Variants in MAP7D2 observed in about 807,000 individuals in gnomAD.
MAP7D2 encodes MAP7 domain-containing protein 2.
MAP7D2 carries 33 observed loss-of-function variants against 63.5 expected under a neutral mutation model. The observed-to-expected ratio is 0.52, with a 90% CI of 0.39 to 0.70. The LOEUF (loss-of-function observed/expected upper bound fraction) is 0.70, where lower values mean the gene tolerates loss of function less well. MAP7D2 is among the 30% of genes least tolerant of loss of function. The pLI, the probability that MAP7D2 is intolerant of heterozygous loss-of-function variation, is 0.00. For synonymous variants in MAP7D2, 224 were observed against 223.7 expected (o/e 1.00, Z -0.01); for missense variants, 626 against 604.0 (o/e 1.04, Z -0.38).
At chrX:20,070,617 CAAT>C (rs1316909870) in intron 1 of MAP7D2, among the ~76,000 whole-genome samples, 20 of 111,094 alleles carry the variant, frequency 1.8e-4, no homozygotes, top group Non-Finnish European at 3.2e-4. Flanking sequence ...ACTGTTGATG[CAAT>C]AATGTTTCCC....
At chrX:20,022,142 G>A (rs1368346207) in intron 10 of MAP7D2, among the ~76,000 whole-genome samples, 2 of 111,816 alleles carry the variant, frequency 1.8e-5, no homozygotes, top group Non-Finnish European at 3.8e-5. Context: ...AGCAAGACTT[G>A]ACCTGCATTT....
At chrX:20,103,764 C>T (rs1449836541) in intron 1 of MAP7D2, among the ~76,000 whole-genome samples, 2 of 112,100 alleles carry the variant, frequency 1.8e-5, no homozygotes, top group South Asian at 3.7e-4. Flanking sequence ...TCATATGGAA[C>T]AGTTCAGACC....
At chrX:20,020,039 A>G (rs867130225) in intron 10 of MAP7D2, among the ~76,000 whole-genome samples, 3 of 111,625 alleles carry the variant, frequency 2.7e-5, no homozygotes, top group African/African-American at 9.8e-5. Context: ...ACTTTTCTCA[A>G]TCTTCGTCAT....
At chrX:20,043,369 T>C (rs747103029) in intron 7 of MAP7D2, among the ~76,000 whole-genome samples, 1 of 112,327 alleles carries the variant, frequency 8.9e-6, no homozygotes, top group Non-Finnish European at 1.9e-5. Flanking sequence ...TGAGGCTTAA[T>C]TCCTCTCCTC....
chrX:20,050,835 G>C lies in MAP7D2; in HGVS notation c.707C>G (p.Ala236Gly), dbSNP rs752964441. ...SRASVMLSGQ[A>G]NDSVFHVCPR... The stretch of plus-strand genomic sequence containing the variant: ...TTAGCCTCTTTTACCTGAATCATTG[G>C]CCTGCCCAGAGAGCATGACTGAAGC... The change falls in exon 6 of 17, where the codon GCC becomes GGC. Residue 236 changes from alanine (A) to glycine (G), a missense_variant. By Grantham distance (60) the Ala-to-Gly change is moderately conservative (BLOSUM62 0). Transcript: ENST00000379643. The C allele has an allele frequency of 1.7e-6, 2 of 1,184,245 alleles. No individual in the cohort carries two copies. The highest frequency in any genetic ancestry group is 4.9e-5 in the Admixed American group (2 of 40,552).
intron 8 of MAP7D2, 111 bp downstream of exon 8, chrX:20,042,391 T>A: frequency 2.2e-6 from 2 of 891,280 alleles, no homozygotes; most frequent in Non-Finnish European, 3.2e-6. Flanking sequence ...TTACCACTTC[T>A]GGCTGGCCAC....
At chrX:20,013,828 G>T (rs912800316) in intron 12 of MAP7D2, among the ~76,000 whole-genome samples, 1 of 112,545 alleles carries the variant, frequency 8.9e-6, no homozygotes, top group African/African-American at 3.2e-5. Flanking sequence ...TCAAATGCTT[G>T]AGAAGTTAAC....
intron 13 of MAP7D2, 91 bp from the exon 14 acceptor site, chrX:20,013,223 GC>G (rs2073262948): frequency 1.5e-6 from 1 of 650,628 alleles, no homozygotes; most frequent in African/African-American, 2.2e-5. Flanking sequence ...GATATTTTGA[GC>G]CTGGACCATC....
In MAP7D2 at chrX:20,025,751, C is replaced by T. The variant is rs753526319; in HGVS notation, c.1209G>A (p.Lys403=). 22 of 1,210,116 alleles carry T rather than the reference C, an allele frequency of 1.8e-5. No individual in the cohort carries two copies. The highest frequency in any genetic ancestry group is 2.3e-4 in the Middle Eastern group (1 of 4,375). Residue 403 remains lysine, a synonymous_variant, in exon 9 of 17, where the codon AAG becomes AAA. Transcript: ENST00000379643. The part of the protein sequence containing the change: ...AGPQGEEALE[K]HVVDKHASEK... Reference sequence around the variant, plus strand: ...CGCTGGCATGCTTGTCCACTACATGCTTCTCTAGGGCTTCCTCTCCTTGCG... The same window carrying T: ...CGCTGGCATGCTTGTCCACTACATGTTTCTCTAGGGCTTCCTCTCCTTGCG...
rs2064928895 is a variant in MAP7D2, at chrX:20,050,843, A to G, written c.699T>C (p.Ser233=). ...LARSRASVML[S]GQANDSVFHV... ...TTTTACCTGAATCATTGGCCTGCCC[A>G]GAGAGCATGACTGAAGCTCTGCTTC... The change falls in exon 6 of 17, where the codon TCT becomes TCC. Residue 233 remains serine (S), a synonymous_variant. Coordinates refer to ENST00000379643, the MANE Select transcript of MAP7D2 (RefSeq NM_001168465.2). 8.4e-7 allele frequency: 1 copy of G among 1,194,342 alleles called. No individual in the cohort carries two copies. The highest frequency in any genetic ancestry group is 1.9e-5 in the South Asian group (1 of 53,276).
intron 8 of MAP7D2, among the ~76,000 whole-genome samples, chrX:20,027,798 C>CAGACAG (rs1218083261): frequency 3.4e-5 from 3 of 89,224 alleles, no homozygotes; most frequent in Non-Finnish European, 6.8e-5. Flanking sequence ...GAGACAGAGA[C>CAGACAG]AGACAGAGAC....
intron 1 of MAP7D2, among the ~76,000 whole-genome samples, chrX:20,090,619 CT>C (rs1412677724): frequency 8.9e-6 from 1 of 112,206 alleles, no homozygotes; most frequent in Non-Finnish European, 1.9e-5. Context: ...AATACAACCA[CT>C]TGGGAAAAGA....
At chrX:20,029,558 C>T (rs1029209457) in intron 8 of MAP7D2, among the ~76,000 whole-genome samples, 17 of 111,854 alleles carry the variant, frequency 1.5e-4, no homozygotes, top group African/African-American at 5.5e-4. Context: ...CCACAGACTG[C>T]GAGGTTCCAT....
At chrX:20,022,077 G>C (rs1032123511) in intron 10 of MAP7D2, among the ~76,000 whole-genome samples, 1 of 112,025 alleles carries the variant, frequency 8.9e-6, no homozygotes, top group Non-Finnish European at 1.9e-5. Context: ...TGGGTGAAGA[G>C]TGGGGGGTGG....
rs373156187 is a variant in MAP7D2, at chrX:20,063,539, C to T, written c.247G>A (p.Ala83Thr). The T allele has an allele frequency of 1.7e-6, 2 of 1,211,979 alleles. No individual in the cohort carries two copies. Among genetic ancestry groups the T allele is most frequent in the African/African-American group, 3.5e-5 (2 of 57,920 alleles). Residue 83 changes from alanine (A) to threonine (T), a missense_variant, in exon 3 of 17, where the codon GCC becomes ACC. Transcript: ENST00000379643. ...EQQILEKQKR[A>T]RLQYEKQMEE... is the part of the protein sequence containing the mutation. ...ATTTGCTTTTCGTACTGCAGCCTGG[C>T]TCTTTTCTGTTTCTCCAGGATCTGT...
chrX:20,027,757 G>GGAGAGAGAGAGAGAGAGAGAGA (rs56796954), intron 8 of MAP7D2, among the ~76,000 whole-genome samples: 6 of 76,247 alleles, frequency 7.9e-5, no homozygotes, highest in African/African-American at 3.3e-4. Context: ...GAAGGCGGGG[G>GGAGAGAGAGAGAGAGAGAGAGA]GAGAGAGAGA....
At chrX:20,034,609 G>C (rs1467550034) in intron 8 of MAP7D2, among the ~76,000 whole-genome samples, 1 of 111,493 alleles carries the variant, frequency 9.0e-6, no homozygotes. Flanking sequence ...TTATAAAAGA[G>C]ACCCCAGAGA....
chrX:20,087,890 T>C (rs1360038223), intron 1 of MAP7D2, among the ~76,000 whole-genome samples: 3 of 80,855 alleles, frequency 3.7e-5, no homozygotes, highest in African/African-American at 1.4e-4. Flanking sequence ...TTTTTTTTTT[T>C]TTTTTTTTTT....
chrX:20,033,857 G>A (rs1603362123), intron 8 of MAP7D2, among the ~76,000 whole-genome samples: 2 of 112,171 alleles, frequency 1.8e-5, no homozygotes, highest in Middle Eastern at 4.7e-3. Context: ...TAAAAATCAA[G>A]TAAGTCTTTT....
Sources: allele counts gnomAD v4.1 joint callset (sites outside exome capture counted in the v4.1 genomes callset), GRCh38; gene constraint gnomAD v4.1.1; transcripts MANE v1.5; gene names NCBI Gene and HGNC (gene_info 2026-07-23, HGNC 2026-07-21).